Variants in LAG3 observed in about 807,000 individuals in gnomAD.
LAG3 encodes the protein lymphocyte activating 3, also known as lymphocyte activation gene 3 protein.
In LAG3, 29 loss-of-function variants were observed where a neutral mutation model predicts 49.0. The ratio of observed to expected loss-of-function variants is 0.59; its 90% CI spans 0.44 to 0.81. The LOEUF (loss-of-function observed/expected upper bound fraction) is 0.81. LAG3 is among the 30% of genes least tolerant of loss of function. LAG3 has a pLI of 0.00. For synonymous variants in LAG3, 320 were observed against 297.3 expected (o/e 1.08, Z -0.79); for missense variants, 693 against 695.2 (o/e 1.00, Z 0.04).
chr12:6,775,620 C>A, intron 5 of LAG3, 72 bp downstream of exon 5: 11 of 1,505,240 alleles, frequency 7.3e-6, no homozygotes, highest in Non-Finnish European at 9.1e-6. Flanking sequence ...GCTGGCAGGG[C>A]AAAGACTAGG....
At chr12:6,775,640 C>G in intron 5 of LAG3, 92 bp downstream of exon 5, 1 of 1,280,398 alleles carries the variant, frequency 7.8e-7, no homozygotes, top group Non-Finnish European at 1.1e-6. Context: ...GCAAACCCAC[C>G]CTGTGATGCC....
chr12:6,774,749 G>A lies in LAG3; in HGVS notation c.666G>A (p.Ala222=), dbSNP rs374510550. The change falls in exon 4 of 8, where the codon GCG becomes GCA. Residue 222 remains alanine (A), a synonymous_variant. Coordinates refer to ENST00000203629, the MANE Select transcript of LAG3 (RefSeq NM_002286.6). Reference sequence around the variant, plus strand: ...GGGAGTCCCCCCATCACCACTTAGCGGAAAGCTTCCTCTTCCTGCCCCAAG... The same window carrying A: ...GGGAGTCCCCCCATCACCACTTAGCAGAAAGCTTCCTCTTCCTGCCCCAAG... The part of the protein sequence containing the change: ...PVRESPHHHL[A]ESFLFLPQVS... 1.3e-4 allele frequency: 208 copies of A among 1,614,140 alleles called. 2 individuals carry two copies. The East Asian group carries it at 1.6e-3, about 13-fold the overall frequency.
At chr12:6,777,726 T>G in intron 6 of LAG3, 65 bp from the exon 7 acceptor site, 7 of 1,578,814 alleles carry the variant, frequency 4.4e-6, no homozygotes, top group Non-Finnish European at 6.1e-6. Context: ...CTGTAAAGTC[T>G]GAGAGAATGA....
rs997398001 is a variant in LAG3, at chr12:6,773,776, C to G, written c.286C>G (p.Pro96Ala). The G allele has an allele frequency of 7.5e-7, 1 of 1,337,972 alleles. No homozygotes were observed. The highest frequency in any genetic ancestry group is 9.5e-7 in the Non-Finnish European group (1 of 1,050,516). The allele number at this position is 1,337,972 out of a possible 1,614,324, so 82.9% of individuals were successfully genotyped here. A position where few individuals can be genotyped will look rare whatever the true frequency, so the allele number is the denominator to read the frequency against. The change falls in exon 3 of 8, where the codon CCC becomes GCC. Residue 96 changes from proline (P) to alanine (A), a missense_variant. Physicochemically the swap from Pro to Ala is conservative, Grantham distance 27 (BLOSUM62 -1). Transcript: ENST00000203629. This position sits in a 1 kb window ranked among gnomAD's most constrained non-coding sequence, Gnocchi z 5.5. ...PAAPSSWGPR[P>A]RRYTVLSVGP... ...GGCGCCCTCCTCCTGGGGGCCCAGG[C>G]CCCGCCGCTACACGGTGCTGAGCGT...
intron 3 of LAG3, among the ~76,000 whole-genome samples, chr12:6,774,377 C>G (rs994620903): frequency 1.3e-5 from 2 of 152,174 alleles, no homozygotes; most frequent in Non-Finnish European, 2.9e-5. Flanking sequence ...CAAGTAAACT[C>G]CAGGCCAGGG....
At chr12:6,777,562 C>T (rs1228856543) in intron 6 of LAG3, 56 bp downstream of exon 6, 6 of 1,580,442 alleles carry the variant, frequency 3.8e-6, no homozygotes, top group Non-Finnish European at 5.2e-6. Context: ...CTTTATCCTC[C>T]TTCCAGAACA....
Position 6,777,251 on chromosome 12 carries a change from C to A in LAG3, c.1058-13C>A, listed in dbSNP as rs755229697. On this transcript the variant is annotated splice_polypyrimidine_tract_variant and intron_variant, in intron 5 of 7. Transcript: ENST00000203629. ...CAGAATCCCAAAAGATCTCTTCCTT[C>A]TACTCTTTTCAGTGACTCCCAAATC... The A allele has an allele frequency of 3.7e-6, 6 of 1,614,110 alleles. No individual in the cohort carries two copies. The highest frequency in any genetic ancestry group is 1.3e-5 in the African/African-American group (1 of 75,038).
Position 6,777,834 on chromosome 12 carries a change from C to T in LAG3, c.1344C>T (p.Gly448=). 1.6e-5 allele frequency: 26 copies of T among 1,613,508 alleles called. No individual in the cohort carries two copies. The highest frequency in any genetic ancestry group is 2.1e-5 in the Non-Finnish European group (25 of 1,179,706). The change falls in exon 7 of 8, where the codon GGC becomes GGT. Residue 448 remains glycine, a synonymous_variant. Transcript: ENST00000203629. ...SGRAPGALPA[G]HLLLFLILGV... ...GAGCCCCAGGTGCCCTCCCAGCAGG[C>T]CACCTCCTGCTGTTTCTCATCCTTG...
Position 6,773,682 on chromosome 12 carries a change from C to A in LAG3, c.207-15C>A. On this transcript the variant is annotated splice_polypyrimidine_tract_variant and intron_variant, in intron 2 of 7. Coordinates refer to ENST00000203629, the MANE Select transcript of LAG3 (RefSeq NM_002286.6). This position sits in a 1 kb window ranked among gnomAD's most constrained non-coding sequence, Gnocchi z 5.5. Reference sequence around the variant, plus strand: ...ACCCCTGGAGCTTCTCAACTCCATTCTCTTTCCCGCCCAGTGGCCCGCCCG... The same window carrying A: ...ACCCCTGGAGCTTCTCAACTCCATTATCTTTCCCGCCCAGTGGCCCGCCCG... 2.2e-6 allele frequency: 3 copies of A among 1,363,582 alleles called. No individual in the cohort carries two copies. The highest frequency in any genetic ancestry group is 2.0e-5 in the South Asian group (1 of 50,800). The allele number at this position is 1,363,582 out of a possible 1,614,324, so 84.5% of individuals were successfully genotyped here. A position where few individuals can be genotyped will look rare whatever the true frequency, so the allele number is the denominator to read the frequency against.
At chr12:6,774,397 G>A (rs1382323119) in intron 3 of LAG3, among the ~76,000 whole-genome samples, 198 bp from the exon 4 acceptor site, 1 of 152,226 alleles carries the variant, frequency 6.6e-6, no homozygotes, top group Non-Finnish European at 1.5e-5. Context: ...GACGGGGAAA[G>A]TGGTCCTGGG....
Position 6,773,622 on chromosome 12 carries a change from C to T in LAG3, c.207-75C>T, listed in dbSNP as rs1258242851. 3.7e-6 allele frequency: 5 copies of T among 1,334,818 alleles called. No individual in the cohort carries two copies. Among genetic ancestry groups the T allele is most frequent in the East Asian group, 6.2e-5 (2 of 32,094 alleles). 82.7% of individuals were successfully genotyped at this position (1,334,818 alleles called of 1,614,324 possible). Reference sequence around the variant, plus strand: ...CTCTTGGGGCGGGCTTTCTCATCCTCAACGGGTGGCTGCCTGCATCCTCCC... The same window carrying T: ...CTCTTGGGGCGGGCTTTCTCATCCTTAACGGGTGGCTGCCTGCATCCTCCC... On this transcript the variant is annotated intron_variant, in intron 2 of 7. Transcript: ENST00000203629. The surrounding 1 kb of genome is among the most constrained non-coding windows in gnomAD (Gnocchi z 5.5).
chr12:6,776,048 T>G (rs1941905285), intron 5 of LAG3, among the ~76,000 whole-genome samples: 1 of 152,222 alleles, frequency 6.6e-6, no homozygotes, highest in African/African-American at 2.4e-5. Flanking sequence ...ATGTGTTGAC[T>G]GGTTGATAAC....
At chr12:6,778,104 G>A in intron 7 of LAG3, 140 bp from the exon 8 acceptor site, 1 of 1,302,534 alleles carries the variant, frequency 7.7e-7, no homozygotes, top group South Asian at 1.3e-5. Context: ...CTGGAAGGGG[G>A]GTTGGGAGAA....
Position 6,773,599 on chromosome 12 carries a change from C to G in LAG3, c.207-98C>G, listed in dbSNP as rs1941867675. 1 of 1,318,614 alleles carries G rather than the reference C, an allele frequency of 7.6e-7. No homozygotes were observed. The highest frequency in any genetic ancestry group is 4.0e-5 in the Admixed American group (1 of 24,820). 81.7% of individuals were successfully genotyped at this position (1,318,614 alleles called of 1,614,324 possible). A position where few individuals can be genotyped will look rare whatever the true frequency, so the allele number is the denominator to read the frequency against. On this transcript the variant is annotated intron_variant, in intron 2 of 7. Transcript: ENST00000203629. The surrounding 1 kb of genome is among the most constrained non-coding windows in gnomAD (Gnocchi z 5.5). ...GGGACGGTTGGTGGTCAAGAGAACT[C>G]TTGGGGCGGGCTTTCTCATCCTCAA...
At chr12:6,776,235 T>C (rs1941906996) in intron 5 of LAG3, among the ~76,000 whole-genome samples, 1 of 152,194 alleles carries the variant, frequency 6.6e-6, no homozygotes, top group Non-Finnish European at 1.5e-5. Context: ...TGGATACCTC[T>C]AACTAGATGT....
chr12:6,777,355 C>G lies in LAG3; in HGVS notation c.1149C>G (p.Ser383Arg). The change falls in exon 6 of 8, where the codon AGC (serine) becomes AGG (arginine). Residue 383 changes from serine (S) to arginine (R), a missense_variant. By Grantham distance (110) the Ser-to-Arg change is moderately radical. Transcript: ENST00000203629. Reference protein sequence around the residue: ...PVSGQERFVWSSLDTPSQRSF... With the variant: ...PVSGQERFVWRSLDTPSQRSF... ...CTGGACAAGAACGCTTTGTGTGGAG[C>G]TCTCTGGACACCCCATCCCAGAGGA... 1 of 1,614,234 alleles carries G rather than the reference C, an allele frequency of 6.2e-7. No homozygotes were observed. The highest frequency in any genetic ancestry group is 2.2e-5 in the East Asian group (1 of 44,886).
intron 3 of LAG3, among the ~76,000 whole-genome samples, chr12:6,774,211 C>T (rs1452253861): frequency 6.6e-6 from 1 of 152,192 alleles, no homozygotes; most frequent in African/African-American, 2.4e-5. Context: ...ATTGTGTCAC[C>T]CCCGAGCTCC....
rs900867509 is a variant in LAG3, at chr12:6,777,197, G to T, written c.1058-67G>T. ...GAGTGCAGGGTGATTGAGACTTGGGGTTCAACCTGTGATATCACGTAAGGG... is the reference window on the plus strand; with the variant it reads ...GAGTGCAGGGTGATTGAGACTTGGGTTTCAACCTGTGATATCACGTAAGGG... On this transcript the variant is annotated intron_variant, in intron 5 of 7. Transcript: ENST00000203629. 4.1e-5 allele frequency: 65 copies of T among 1,592,972 alleles called. No homozygotes were observed. The Admixed American group carries it at 1.1e-3, about 26-fold the overall frequency.
At chr12:6,772,978 G>T (rs556130079) in intron 1 of LAG3, 68 bp downstream of exon 1, 30 of 1,543,516 alleles carry the variant, frequency 1.9e-5, no homozygotes, top group Non-Finnish European at 2.7e-5. Context: ...GATCTCTGTG[G>T]CCACAAAGGT....
Sources: gnomAD v4.1 joint callset for allele counts (sites outside exome capture counted in the v4.1 genomes callset) on GRCh38, gnomAD v4.1.1 for gene constraint, Gnocchi (gnomAD v3.1) non-coding constraint, MANE v1.5 for transcripts, NCBI Gene and HGNC (gene_info 2026-07-23, HGNC 2026-07-21) for gene names.